The following PHKA2 variants were observed in gnomAD, a reference collection of about 807,000 sequenced individuals.
PHKA2 encodes the protein phosphorylase kinase regulatory subunit alpha 2.
In PHKA2, 31 loss-of-function variants were observed where a neutral mutation model predicts 102.0. The observed-to-expected ratio is 0.30, with a 90% CI of 0.23 to 0.41. The LOEUF (loss-of-function observed/expected upper bound fraction) is 0.41, where lower values mean the gene tolerates loss of function less well. Among genes scored for constraint, PHKA2 ranks in the 10% least tolerant of loss-of-function variants. PHKA2 has a pLI of 1.00. For synonymous variants in PHKA2, 455 were observed against 416.2 expected, an observed-to-expected ratio of 1.09 and a Z score of -1.13; for missense variants, 858 against 1,023.1, an observed-to-expected ratio of 0.84 and a Z score of 2.20.
chrX:18,923,591 A>G (rs958104884), intron 17 of PHKA2, among the ~76,000 whole-genome samples: 1 of 111,820 alleles, frequency 8.9e-6, no homozygotes, highest in African/African-American at 3.2e-5. Context: ...ACCTACACAG[A>G]CTCATTCAGG....
At chrX:18,916,836 T>C (rs1476674227) in intron 19 of PHKA2, among the ~76,000 whole-genome samples, 1 of 111,005 alleles carries the variant, frequency 9.0e-6, no homozygotes, top group Non-Finnish European at 1.9e-5. Context: ...TTACCCAGTC[T>C]CAGGTATTTC....
chrX:18,910,919 G>A lies in PHKA2; in HGVS notation c.2179C>T (p.Arg727Cys), dbSNP rs188998010. ...TLPTKVLSAH[R>C]KSLNLVDSPQ... Reference sequence around the variant, plus strand: ...GAATCAACAAGATTCAGTGATTTACGGTGGGCACTTAGAACTTTAGTCGGC... The same window carrying A: ...GAATCAACAAGATTCAGTGATTTACAGTGGGCACTTAGAACTTTAGTCGGC... Residue 727 changes from arginine to cysteine, a missense_variant, in exon 20 of 33, where the codon CGT (arginine) becomes TGT (cysteine). Transcript: ENST00000379942. The A allele has an allele frequency of 9.4e-5, 112 of 1,193,680 alleles. No homozygotes were observed. The highest frequency in any genetic ancestry group is 1.5e-4 in the East Asian group (5 of 33,124).
chrX:18,936,801 C>T (rs2048400731), intron 10 of PHKA2, among the ~76,000 whole-genome samples: 1 of 111,953 alleles, frequency 8.9e-6, no homozygotes, highest in South Asian at 3.7e-4. Context: ...AAAGTTGACC[C>T]CATATTAAAA....
intron 3 of PHKA2, 59 bp from the exon 4 acceptor site, chrX:18,951,331 C>T: frequency 1.8e-6 from 2 of 1,118,764 alleles, no homozygotes; most frequent in East Asian, 6.0e-5. Context: ...TGGCAGAGAT[C>T]ACGGCCATGG....
intron 8 of PHKA2, among the ~76,000 whole-genome samples, 181 bp from the exon 9 acceptor site, chrX:18,940,229 C>G (rs1012517824): frequency 8.9e-6 from 1 of 111,907 alleles, no homozygotes; most frequent in African/African-American, 3.2e-5. Context: ...CAGGTTTGAT[C>G]GGTACTTGGA....
chrX:18,967,676 T>TAA (rs199696104), intron 1 of PHKA2, among the ~76,000 whole-genome samples: 6 of 89,065 alleles, frequency 6.7e-5, no homozygotes, highest in African/African-American at 2.5e-4. Context: ...TAGCCTTATT[T>TAA]AAAAAAAAAA....
At chrX:18,935,215 C>T (rs754214214) in intron 11 of PHKA2, among the ~76,000 whole-genome samples, 3 of 112,276 alleles carry the variant, frequency 2.7e-5, no homozygotes, top group Non-Finnish European at 3.8e-5. Flanking sequence ...GACAAATCTT[C>T]CTGCCAAGAT....
At chrX:18,931,786 G>C (rs778481942) in intron 11 of PHKA2, 38 bp from the exon 12 acceptor site, 5 of 931,832 alleles carry the variant, frequency 5.4e-6, no homozygotes, top group Non-Finnish European at 7.8e-6. Context: ...GAAAGTCAGA[G>C]GATAAAATGG....
chrX:18,917,162 A>C (rs896361445), intron 19 of PHKA2, among the ~76,000 whole-genome samples: 1 of 111,282 alleles, frequency 9.0e-6, no homozygotes, highest in African/African-American at 3.3e-5. Context: ...GGCATGAGCC[A>C]CTGTGCCTGC....
chrX:18,929,678 A>G (rs2048280915), intron 12 of PHKA2, among the ~76,000 whole-genome samples: 1 of 111,565 alleles, frequency 9.0e-6, no homozygotes. Flanking sequence ...GGGCTCAGAA[A>G]ACAACACCCC....
At chrX:18,975,307 G>A (rs920596354) in intron 1 of PHKA2, among the ~76,000 whole-genome samples, 1 of 111,405 alleles carries the variant, frequency 9.0e-6, no homozygotes, top group African/African-American at 3.3e-5. Context: ...GGATCTGATG[G>A]TATAAAAAGG....
chrX:18,960,551 A>T (rs1359858430), intron 1 of PHKA2, among the ~76,000 whole-genome samples: 1 of 111,482 alleles, frequency 9.0e-6, no homozygotes, highest in Non-Finnish European at 1.9e-5. Context: ...ACATACTTTT[A>T]AACTACCAAA....
In PHKA2 at chrX:18,936,241, C is replaced by A. The variant is rs924357465; in HGVS notation, c.1042-91G>T. ...CAACATAGAAAAAAAGCTCTCATGG[C>A]AACAGATTAGAGTTCAGACACAGGG... On this transcript the variant is annotated intron_variant, in intron 10 of 32. Coordinates refer to ENST00000379942, the MANE Select transcript of PHKA2 (RefSeq NM_000292.3). 15 of 600,166 alleles carry A rather than the reference C, an allele frequency of 2.5e-5. No homozygotes were observed. In the South Asian group the frequency reaches 3.6e-4, roughly 14 times the overall value. 49.5% of individuals were successfully genotyped at this position (600,166 alleles called of 1,213,427 possible).
chrX:18,943,146 A>G (rs915525157), intron 7 of PHKA2, among the ~76,000 whole-genome samples: 1 of 111,830 alleles, frequency 8.9e-6, no homozygotes, highest in Non-Finnish European at 1.9e-5. Flanking sequence ...TCGCTAAATA[A>G]GAGTTTGCTG....
At chrX:18,905,936 G>A (rs966005691) in intron 25 of PHKA2, 77 bp from the exon 26 acceptor site, 50 of 689,529 alleles carry the variant, frequency 7.3e-5, no homozygotes, top group Non-Finnish European at 1.1e-4. Flanking sequence ...GGACGTGGGT[G>A]GGGAGGGAGG....
chrX:18,948,303 G>A (rs1018228630), intron 5 of PHKA2, among the ~76,000 whole-genome samples: 18 of 110,472 alleles, frequency 1.6e-4, no homozygotes, highest in Non-Finnish European at 3.0e-4. Flanking sequence ...GTGAAACCCC[G>A]TTTCTATTAA....
At chrX:18,908,474 A>T (rs1461314300) in intron 21 of PHKA2, among the ~76,000 whole-genome samples, 1 of 112,451 alleles carries the variant, frequency 8.9e-6, no homozygotes, top group African/African-American at 3.2e-5. Context: ...TTTTCCCCCA[A>T]TTCCTATGTT....
intron 1 of PHKA2, among the ~76,000 whole-genome samples, chrX:18,968,123 T>C (rs1334558763): frequency 8.9e-6 from 1 of 111,867 alleles, no homozygotes; most frequent in Non-Finnish European, 1.9e-5. Flanking sequence ...CCGGGTGCAG[T>C]GGCTCACACC....
intron 1 of PHKA2, 75 bp downstream of exon 1, chrX:18,983,780 G>A (rs951559367): frequency 2.3e-6 from 2 of 881,414 alleles, no homozygotes; most frequent in African/African-American, 2.0e-5. Context: ...GTCACAAGAG[G>A]GCCAGACCTG....
Sources: gnomAD v4.1 joint callset for allele counts (sites outside exome capture counted in the v4.1 genomes callset) on GRCh38, gnomAD v4.1.1 for gene constraint, MANE v1.5 for transcripts, NCBI Gene and HGNC (gene_info 2026-07-23, HGNC 2026-07-21) for gene names.